Variants in SORL1 observed in about 807,000 individuals in gnomAD.
SORL1 encodes the protein sortilin-related receptor.
In SORL1, 127 loss-of-function variants were observed where a neutral mutation model predicts 273.7. That is an observed-to-expected ratio of 0.46 (90% CI 0.40 to 0.54). SORL1 has a LOEUF of 0.54. Ranked by LOEUF, SORL1 falls within the 20% of genes least tolerant of loss-of-function variation. The pLI, the probability that SORL1 is intolerant of heterozygous loss-of-function variation, is 0.00. For synonymous variants in SORL1, 1,031 were observed against 1,067.4 expected (o/e 0.97, Z 0.66); for missense variants, 2,494 against 2,846.1 (o/e 0.88, Z 2.81).
At chr11:121,505,934 G>T (rs997665844) in intron 6 of SORL1, among the ~76,000 whole-genome samples, 8 of 152,148 alleles carry the variant, frequency 5.3e-5, no homozygotes, top group Admixed American at 5.2e-4. Context: ...CTGTTATTGG[G>T]TATTATGTTC....
intron 2 of SORL1, among the ~76,000 whole-genome samples, chr11:121,472,351 A>G (rs1039318239): frequency 1.3e-5 from 2 of 152,202 alleles, no homozygotes; most frequent in Non-Finnish European, 2.9e-5. Context: ...TGTGAGGTAG[A>G]TAAAGACCTT....
rs76871345 is a variant in SORL1, at chr11:121,613,467, G to A, written c.5419+635G>A. Among the ~76,000 whole-genome samples the A allele has an allele frequency of 7.3e-3, 1,109 of 152,238 alleles. 12 individuals carry two copies. The highest frequency in any genetic ancestry group is 0.025 in the African/African-American group (1,018 of 41,524). ...CTGTCTCCTCCTTCTAGGCTGTGAA[G>A]CACTTTCAGTCATGTTTTTATTGAG... On this transcript the variant is annotated intron_variant, in intron 40 of 47. Transcript: ENST00000260197.
chr11:121,576,121 G>A (rs1862927116), intron 24 of SORL1, among the ~76,000 whole-genome samples: 1 of 152,230 alleles, frequency 6.6e-6, no homozygotes, highest in South Asian at 2.1e-4. Flanking sequence ...TAAACTCCAT[G>A]TGAAAGTTCT....
chr11:121,467,813 T>C (rs1861106798), intron 1 of SORL1, among the ~76,000 whole-genome samples: 1 of 152,176 alleles, frequency 6.6e-6, no homozygotes, highest in Non-Finnish European at 1.5e-5. Context: ...TACTTCTATT[T>C]CTTATTTGCA....
intron 30 of SORL1, 192 bp from the exon 31 acceptor site, chr11:121,590,809 G>C (rs1041489762): frequency 1.2e-5 from 9 of 773,618 alleles, no homozygotes; most frequent in Non-Finnish European, 2.1e-5. Context: ...AAAGGGAAAA[G>C]AATATTGCCT....
intron 25 of SORL1, among the ~76,000 whole-genome samples, chr11:121,579,053 AAC>A (rs1204946588): frequency 4.6e-5 from 7 of 152,238 alleles, no homozygotes; most frequent in Non-Finnish European, 1.5e-5. Context: ...ACATCTTGTT[AAC>A]ACAACTGCCT....
intron 12 of SORL1, 128 bp downstream of exon 12, chr11:121,532,680 A>T: frequency 8.3e-6 from 6 of 718,776 alleles, no homozygotes; most frequent in Non-Finnish European, 1.4e-5. Flanking sequence ...TCTGGATATG[A>T]GTTAAACTTT....
intron 13 of SORL1, among the ~76,000 whole-genome samples, 185 bp from the exon 14 acceptor site, chr11:121,545,058 A>T (rs1387778610): frequency 6.6e-6 from 1 of 152,220 alleles, no homozygotes; most frequent in Non-Finnish European, 1.5e-5. Flanking sequence ...CCTGCGTTTC[A>T]GGTATCCTTT....
chr11:121,475,209 G>C (rs943053287), intron 2 of SORL1, among the ~76,000 whole-genome samples: 2 of 152,186 alleles, frequency 1.3e-5, no homozygotes, highest in Non-Finnish European at 2.9e-5. Flanking sequence ...CAAGGCTGCA[G>C]TGAGCTGTGC....
Position 121,549,292 on chromosome 11 carries a change from G to A in SORL1, c.2052-668G>A, listed in dbSNP as rs111866972. Reference sequence around the variant, plus strand: ...GGCTGGAGTGCAGTGGCGCAATCACGGCTCACTACAGCCTTGACCTCCTGG... The same window carrying A: ...GGCTGGAGTGCAGTGGCGCAATCACAGCTCACTACAGCCTTGACCTCCTGG... On this transcript the variant is annotated intron_variant, in intron 14 of 47. Transcript: ENST00000260197. Among the ~76,000 whole-genome samples the A allele has an allele frequency of 7.5e-3, 1,145 of 152,214 alleles. 15 individuals carry two copies. The highest frequency in any genetic ancestry group is 0.026 in the African/African-American group (1,090 of 41,530).
chr11:121,571,572 C>T (rs942929496), intron 23 of SORL1, among the ~76,000 whole-genome samples: 6 of 152,170 alleles, frequency 3.9e-5, no homozygotes, highest in Non-Finnish European at 8.8e-5. Context: ...GCTCATTTAC[C>T]CATTTGTACT....
intron 1 of SORL1, among the ~76,000 whole-genome samples, chr11:121,453,756 A>T (rs1860854216): frequency 6.6e-6 from 1 of 152,228 alleles, no homozygotes; most frequent in Admixed American, 6.5e-5. Context: ...GTTGGTGAAG[A>T]AACTGAAGCG....
intron 8 of SORL1, among the ~76,000 whole-genome samples, chr11:121,516,615 C>G (rs1861956979): frequency 1.3e-5 from 2 of 152,140 alleles, no homozygotes; most frequent in Non-Finnish European, 2.9e-5. Context: ...CCTTTCCTCC[C>G]CTGACATAGA....
rs370748834 is a variant in SORL1 at position 121,574,201 on chromosome 11, T to C, written c.3338-40T>C. ...GATGTTTACATTTGTGGGAAATCAA[T>C]TGTACCTAAGGAATATGTTGTCTTT... On this transcript the variant is annotated intron_variant, in intron 23 of 47. Coordinates refer to ENST00000260197, the MANE Select transcript of SORL1 (RefSeq NM_003105.6). 496 of 1,603,864 alleles carry C rather than the reference T, an allele frequency of 3.1e-4. 1 individual carries two copies. In the African/African-American group the frequency reaches 5.7e-3, roughly 18 times the overall value.
chr11:121,490,674 G>A (rs1861539102), intron 5 of SORL1, among the ~76,000 whole-genome samples: 2 of 149,166 alleles, frequency 1.3e-5, no homozygotes, highest in Non-Finnish European at 2.9e-5. Flanking sequence ...CTGGGAGGCA[G>A]AGGTTGCAGT....
At chr11:121,593,512 T>C (rs921643698) in intron 31 of SORL1, among the ~76,000 whole-genome samples, 1 of 152,222 alleles carries the variant, frequency 6.6e-6, no homozygotes, top group South Asian at 2.1e-4. Flanking sequence ...TCCTGCTGTG[T>C]GCCTGTTACC....
At chr11:121,564,532 A>G (rs914324931) in intron 21 of SORL1, among the ~76,000 whole-genome samples, 1 of 152,178 alleles carries the variant, frequency 6.6e-6, no homozygotes, top group African/African-American at 2.4e-5. Context: ...TCCCTGTGAA[A>G]AAAATCATCC....
At chr11:121,464,365 C>A (rs1013676432) in intron 1 of SORL1, among the ~76,000 whole-genome samples, 2 of 152,186 alleles carry the variant, frequency 1.3e-5, no homozygotes, top group African/African-American at 4.8e-5. Context: ...AACCCTAATT[C>A]CCCCAGAAGT....
Position 121,460,607 on chromosome 11 carries a change from A to G in SORL1, c.285+7991A>G, listed in dbSNP as rs550014715. On this transcript the variant is annotated intron_variant, in intron 1 of 47. Coordinates refer to ENST00000260197, the MANE Select transcript of SORL1 (RefSeq NM_003105.6). ...GAGATGAGGTTTCACCATATTGGCC[A>G]GGCTGGTCTCGAACTCCTGACCTCG... Among the ~76,000 whole-genome samples the G allele has an allele frequency of 3.3e-5, 5 of 152,194 alleles. No individual in the cohort carries two copies. In the East Asian group the frequency reaches 9.7e-4, roughly 29 times the overall value.
Sources: gnomAD v4.1 joint callset for allele counts (sites outside exome capture counted in the v4.1 genomes callset) on GRCh38, gnomAD v4.1.1 for gene constraint, MANE v1.5 for transcripts, NCBI Gene and HGNC (gene_info 2026-07-23, HGNC 2026-07-21) for gene names.